The following PRDM2 variants were observed in gnomAD, a reference collection of about 807,000 sequenced individuals.
PRDM2 encodes the protein PR domain zinc finger protein 2.
In PRDM2, 30 loss-of-function variants were observed where a neutral mutation model predicts 130.0. That is an observed-to-expected ratio of 0.23 (90% confidence interval 0.17 to 0.31). The LOEUF is 0.31. Among genes scored for constraint, PRDM2 ranks in the 10% least tolerant of loss-of-function variants. The pLI is 1.00. For missense variants in PRDM2, 2,011 were observed against 2,108.4 expected, an observed-to-expected ratio of 0.95 and a Z score of 0.90; for synonymous variants, 871 against 782.4, an observed-to-expected ratio of 1.11 and a Z score of -1.89.
At chr1:13,812,641 G>T (rs1645192429) in intron 8 of PRDM2, among the ~76,000 whole-genome samples, 1 of 152,186 alleles carries the variant, frequency 6.6e-6, no homozygotes, top group Non-Finnish European at 1.5e-5. Flanking sequence ...CCGGCAGGCA[G>T]TGGGTGTGCG....
intron 9 of PRDM2, among the ~76,000 whole-genome samples, chr1:13,816,939 C>T (rs1343466538): frequency 6.6e-6 from 1 of 152,180 alleles, no homozygotes; most frequent in East Asian, 1.9e-4. Flanking sequence ...ATAGTAAGCA[C>T]TAGGTAAGTC....
At chr1:13,758,640 G>A (rs1484934287) in intron 6 of PRDM2, among the ~76,000 whole-genome samples, 7 of 152,168 alleles carry the variant, frequency 4.6e-5, no homozygotes, top group African/African-American at 1.4e-4. Flanking sequence ...AACTTGGTGC[G>A]TATATTAAGA....
At chr1:13,755,251 T>C (rs890715322) in intron 6 of PRDM2, among the ~76,000 whole-genome samples, 1 of 152,214 alleles carries the variant, frequency 6.6e-6, no homozygotes, top group South Asian at 2.1e-4. Flanking sequence ...ATTATGTGGA[T>C]TAACGTAAAT....
intron 9 of PRDM2, among the ~76,000 whole-genome samples, chr1:13,821,409 C>T (rs1645348411): frequency 6.6e-6 from 1 of 151,716 alleles, no homozygotes; most frequent in Non-Finnish European, 1.5e-5. Context: ...TGGCCCAGCC[C>T]AATTCAACCC....
intron 8 of PRDM2, among the ~76,000 whole-genome samples, chr1:13,814,799 G>A (rs1645231308): frequency 6.6e-6 from 1 of 152,122 alleles, no homozygotes; most frequent in Admixed American, 6.5e-5. Context: ...CAAACACCTG[G>A]AGCAGGTAGG....
intron 4 of PRDM2, 43 bp from the exon 5 acceptor site, chr1:13,741,962 C>T: frequency 6.8e-7 from 1 of 1,471,304 alleles, no homozygotes; most frequent in Non-Finnish European, 9.4e-7. Context: ...TTTAAAGATA[C>T]TCCTATTTTA....
At chr1:13,735,522 C>CT (rs949893803) in intron 4 of PRDM2, among the ~76,000 whole-genome samples, 22 of 151,496 alleles carry the variant, frequency 1.5e-4, no homozygotes, top group Admixed American at 1.1e-3. Flanking sequence ...TTTTAGTAAG[C>CT]TTTTTTTTTC....
chr1:13,747,198 A>G (rs1276480669), intron 5 of PRDM2, among the ~76,000 whole-genome samples: 2 of 152,200 alleles, frequency 1.3e-5, no homozygotes, highest in Non-Finnish European at 2.9e-5. Context: ...GGGGGAATAT[A>G]TGGGGAATAC....
intron 9 of PRDM2, among the ~76,000 whole-genome samples, chr1:13,817,477 G>A (rs1164203694): frequency 9.2e-5 from 14 of 151,888 alleles, no homozygotes; most frequent in Admixed American, 9.2e-4. Context: ...TTCTGCTGGT[G>A]ACCCACGAGC....
chr1:13,712,628 G>A (rs930796699), intron 1 of PRDM2, among the ~76,000 whole-genome samples: 3 of 152,054 alleles, frequency 2.0e-5, no homozygotes, highest in Non-Finnish European at 2.9e-5. Context: ...TTGGTGGCAC[G>A]TGCCTGTAGT....
intron 6 of PRDM2, among the ~76,000 whole-genome samples, chr1:13,756,087 T>TAA (rs576617549): frequency 1.5e-5 from 2 of 133,002 alleles, no homozygotes; most frequent in African/African-American, 2.8e-5. Context: ...CTGTCTCTTC[T>TAA]AAAAAAAAAA....
intron 5 of PRDM2, among the ~76,000 whole-genome samples, chr1:13,743,965 T>G (rs537211941): frequency 1.9e-4 from 29 of 152,332 alleles, no homozygotes; most frequent in African/African-American, 6.5e-4. Flanking sequence ...AATGCATTGT[T>G]TCTCAGAAGT....
At chr1:13,750,661 G>A (rs993403562) in intron 6 of PRDM2, among the ~76,000 whole-genome samples, 3 of 152,158 alleles carry the variant, frequency 2.0e-5, no homozygotes, top group Non-Finnish European at 4.4e-5. Context: ...GAAACAGTTA[G>A]TAGGCCTATT....
Position 13,762,500 on chromosome 1 carries a change from A to G in PRDM2, c.512-10578A>G, listed in dbSNP as rs148703350. On this transcript the variant is annotated intron_variant, in intron 6 of 9. Coordinates refer to ENST00000311066, the MANE Select transcript of PRDM2 (RefSeq NM_001393986.1). Reference sequence around the variant, plus strand: ...GCAGGTGAAATGAGTGCATAGGTTGAGAGACCCTTTCCACCAGCCATTGGA... The same window carrying G: ...GCAGGTGAAATGAGTGCATAGGTTGGGAGACCCTTTCCACCAGCCATTGGA... Among the ~76,000 whole-genome samples, 14 of 152,330 alleles carry G rather than the reference A, an allele frequency of 9.2e-5. No homozygotes were observed. The East Asian group carries it at 2.3e-3, about 25-fold the overall frequency.
At chr1:13,798,143 C>T (rs2100723989) in intron 8 of PRDM2, among the ~76,000 whole-genome samples, 1 of 152,150 alleles carries the variant, frequency 6.6e-6, no homozygotes. Flanking sequence ...TTCACCTGCA[C>T]CCACCGTAGG....
At position 13,779,861 on chromosome 1, in the gene PRDM2, C is replaced by G; in HGVS notation, c.2066C>G (p.Ser689Ter). ...AAAGAGAAAAGTGTTTATTTGTCAT[C>G]AAAGCTCAAACAACTTCTTCAAACC... ...FHKEKSVYLSSKLKQLLQTQD... is the reference protein window; with the variant it reads ...FHKEKSVYLS Residue 689 changes from serine to a stop codon, truncating the protein, a stop_gained, in exon 8 of 10, where the codon TCA becomes TGA. Coordinates refer to ENST00000311066, the MANE Select transcript of PRDM2 (RefSeq NM_001393986.1). LOFTEE classifies it high-confidence loss of function. This position sits in a 1 kb window ranked among gnomAD's most constrained non-coding sequence, Gnocchi z 4.9. 6.2e-7 allele frequency: 1 copy of G among 1,613,512 alleles called. No individual in the cohort carries two copies. The highest frequency in any genetic ancestry group is 8.5e-7 in the Non-Finnish European group (1 of 1,179,982).
intron 8 of PRDM2, among the ~76,000 whole-genome samples, chr1:13,809,855 T>TG (rs1215072108): frequency 6.6e-6 from 1 of 151,880 alleles, no homozygotes; most frequent in East Asian, 1.9e-4. Flanking sequence ...ATGACAGAAA[T>TG]TTTTTTTTCA....
chr1:13,776,867 C>T (rs75666612), intron 7 of PRDM2, among the ~76,000 whole-genome samples: 2,036 of 152,232 alleles, frequency 0.013, 39 homozygotes, highest in African/African-American at 0.047. Context: ...CTTCTGCCTG[C>T]GTTCACTTGC....
intron 6 of PRDM2, chr1:13,769,230 CAG>C (rs1464863090): frequency 1.1e-6 from 1 of 887,636 alleles, no homozygotes; most frequent in African/African-American, 1.8e-5. Flanking sequence ...CTCTGCCTCA[CAG>C]AGAGAAGCTC....
Sources: gnomAD v4.1 joint callset for allele counts (sites outside exome capture counted in the v4.1 genomes callset) on GRCh38, gnomAD v4.1.1 for gene constraint, Gnocchi (gnomAD v3.1) non-coding constraint, MANE v1.5 for transcripts, NCBI Gene and HGNC (gene_info 2026-07-23, HGNC 2026-07-21) for gene names.